Variants in PTK2B observed in about 807,000 individuals in gnomAD.
PTK2B encodes the protein protein-tyrosine kinase 2-beta.
In PTK2B, 71 loss-of-function variants were observed where a neutral mutation model predicts 142.9. That is an observed-to-expected ratio of 0.50 (90% CI 0.41 to 0.61). The LOEUF (loss-of-function observed/expected upper bound fraction) is 0.61. Among genes scored for constraint, PTK2B ranks in the 20% least tolerant of loss-of-function variants. The pLI is 0.00. For synonymous variants in PTK2B, 519 were observed against 503.4 expected, an observed-to-expected ratio of 1.03 and a Z score of -0.42; for missense variants, 1,105 against 1,320.4, an observed-to-expected ratio of 0.84 and a Z score of 2.53.
intron 27 of PTK2B, 117 bp from the exon 28 acceptor site, chr8:27,452,997 A>G: frequency 8.0e-7 from 1 of 1,255,964 alleles, no homozygotes; most frequent in Admixed American, 2.0e-5. Context: ...TTCAGAGTTA[A>G]TTTCCCTGAA....
chr8:27,364,032 A>G (rs370580794), intron 1 of PTK2B, among the ~76,000 whole-genome samples: 15 of 152,216 alleles, frequency 9.9e-5, no homozygotes, highest in East Asian at 7.7e-4. Context: ...CACACACTCT[A>G]CATACAAACA....
intron 1 of PTK2B, among the ~76,000 whole-genome samples, chr8:27,330,127 G>A (rs1176103362): frequency 6.6e-6 from 1 of 152,064 alleles, no homozygotes; most frequent in Non-Finnish European, 1.5e-5. Flanking sequence ...GGACTGTTTC[G>A]ATATTTCAAC....
intron 2 of PTK2B, among the ~76,000 whole-genome samples, chr8:27,404,948 C>A (rs1486409448): frequency 1.3e-5 from 2 of 151,302 alleles, no homozygotes; most frequent in Non-Finnish European, 1.5e-5. Context: ...AGAGTGGGGG[C>A]CCTATAATGG....
intron 1 of PTK2B, among the ~76,000 whole-genome samples, chr8:27,356,743 A>G (rs1230499338): frequency 6.6e-6 from 1 of 152,222 alleles, no homozygotes; most frequent in Non-Finnish European, 1.5e-5. Flanking sequence ...TGAACAAACT[A>G]TTGACACGGG....
intron 1 of PTK2B, among the ~76,000 whole-genome samples, chr8:27,373,060 A>T (rs1806456535): frequency 6.6e-6 from 1 of 152,148 alleles, no homozygotes; most frequent in South Asian, 2.1e-4. Context: ...CTTAGCCCAG[A>T]TACCCACTGG....
intron 1 of PTK2B, among the ~76,000 whole-genome samples, chr8:27,349,475 A>T (rs1804913288): frequency 6.6e-6 from 1 of 152,194 alleles, no homozygotes; most frequent in South Asian, 2.1e-4. Context: ...TCAAACTTCA[A>T]GCTAAAGCCA....
chr8:27,371,001 TCCTTCCA>T (rs1430476912), intron 1 of PTK2B, among the ~76,000 whole-genome samples: 1 of 152,100 alleles, frequency 6.6e-6, no homozygotes, highest in Non-Finnish European at 1.5e-5. Flanking sequence ...GTTCAAATGA[TCCTTCCA>T]CCTCAGCCTC....
chr8:27,447,622 G>T (rs1811549220), intron 24 of PTK2B, among the ~76,000 whole-genome samples: 1 of 152,202 alleles, frequency 6.6e-6, no homozygotes, highest in South Asian at 2.1e-4. Flanking sequence ...ATTTTGGGAG[G>T]CCAAGGTGGG....
intron 3 of PTK2B, among the ~76,000 whole-genome samples, chr8:27,316,270 A>G (rs1028509085): frequency 2.0e-5 from 3 of 151,682 alleles, no homozygotes; most frequent in African/African-American, 7.3e-5. Flanking sequence ...CCAGGTGCAG[A>G]GAGTAAAGGA....
At chr8:27,402,697 A>G (rs1474239056) in intron 2 of PTK2B, among the ~76,000 whole-genome samples, 1 of 152,210 alleles carries the variant, frequency 6.6e-6, no homozygotes, top group African/African-American at 2.4e-5. Context: ...ATGGACTCAC[A>G]CTAATGAATG....
At chr8:27,370,427 G>A (rs2130912426) in intron 1 of PTK2B, among the ~76,000 whole-genome samples, 1 of 152,356 alleles carries the variant, frequency 6.6e-6, no homozygotes, top group Middle Eastern at 3.4e-3. Flanking sequence ...TTGTAAACCA[G>A]TAAGTCTGAC....
intron 1 of PTK2B, among the ~76,000 whole-genome samples, chr8:27,368,911 G>A (rs1049887543): frequency 2.7e-4 from 41 of 152,124 alleles, no homozygotes; most frequent in Admixed American, 7.9e-4. Flanking sequence ...AGCAGGGGTG[G>A]GCAGGGCGGA....
At chr8:27,320,292 T>G (rs994981852) in intron 3 of PTK2B, among the ~76,000 whole-genome samples, 6 of 152,222 alleles carry the variant, frequency 3.9e-5, no homozygotes, top group Non-Finnish European at 7.3e-5. Flanking sequence ...GGACCCCGTC[T>G]TTAGCTAAAC....
chr8:27,451,149 C>G, intron 26 of PTK2B, 71 bp downstream of exon 26: 2 of 1,535,822 alleles, frequency 1.3e-6, no homozygotes, highest in East Asian at 2.2e-5. Context: ...TAGGACCCCC[C>G]GCCCAACTTG....
chr8:27,345,908 G>A (rs1804683517), intron 1 of PTK2B, among the ~76,000 whole-genome samples: 1 of 152,146 alleles, frequency 6.6e-6, no homozygotes, highest in African/African-American at 2.4e-5. Context: ...GGAACTTAGA[G>A]GAGCAGGAGA....
In PTK2B at chr8:27,432,320, G is replaced by A. The variant is rs1482321042; in HGVS notation, c.946G>A (p.Gly316Ser). ...CATCAGGTGCCTCCCGCTGGAGGAG[G>A]GCCAGGCAGTACTTCAGCTGGGCAT... The part of the protein sequence containing the change: ...RSIRCLPLEE[G>S]QAVLQLGIEG... The change falls in exon 10 of 31, where the codon GGC becomes AGC. Residue 316 changes from glycine (G) to serine (S), a missense_variant. Transcript: ENST00000346049. 2 of 1,614,046 alleles carry A rather than the reference G, an allele frequency of 1.2e-6. No homozygotes were observed. Among genetic ancestry groups the A allele is most frequent in the African/African-American group, 1.3e-5 (1 of 75,028 alleles).
intron 1 of PTK2B, among the ~76,000 whole-genome samples, chr8:27,359,535 T>C (rs371443857): frequency 1.9e-4 from 29 of 152,322 alleles, no homozygotes; most frequent in African/African-American, 7.0e-4. Flanking sequence ...GTATGGATCG[T>C]CACTGTGAAT....
intron 1 of PTK2B, among the ~76,000 whole-genome samples, chr8:27,356,758 G>C (rs938191453): frequency 1.3e-5 from 2 of 152,226 alleles, no homozygotes; most frequent in Non-Finnish European, 2.9e-5. Flanking sequence ...CACGGGCAAC[G>C]ACCTGGATGG....
intron 2 of PTK2B, among the ~76,000 whole-genome samples, chr8:27,412,760 A>G (rs1270041586): frequency 6.6e-6 from 1 of 152,188 alleles, no homozygotes; most frequent in South Asian, 2.1e-4. Context: ...CACCATGTCT[A>G]CAACAGAAAT....
Sources: allele counts gnomAD v4.1 joint callset (sites outside exome capture counted in the v4.1 genomes callset), GRCh38; gene constraint gnomAD v4.1.1; transcripts MANE v1.5; gene names NCBI Gene and HGNC (gene_info 2026-07-23, HGNC 2026-07-21).